Variants in UST observed in about 807,000 individuals in gnomAD.
UST encodes the protein uronyl 2-sulfotransferase, also known as chondroitin sulfate 2-O-sulfotransferase.
UST carries 21 observed loss-of-function variants against 45.6 expected under a neutral mutation model. That is an observed-to-expected ratio of 0.46 (90% confidence interval 0.33 to 0.66). The LOEUF (loss-of-function observed/expected upper bound fraction) is 0.66, where lower values mean the gene tolerates loss of function less well. Ranked by LOEUF, UST falls within the 30% of genes least tolerant of loss-of-function variation. The pLI, the probability that UST is intolerant of heterozygous loss-of-function variation, is 0.02. For synonymous variants in UST, 215 were observed against 200.6 expected, an observed-to-expected ratio of 1.07 and a Z score of -0.61; for missense variants, 463 against 512.4, an observed-to-expected ratio of 0.90 and a Z score of 0.93.
chr6:148,913,110 G>T (rs1779508826), intron 2 of UST, among the ~76,000 whole-genome samples: 1 of 152,156 alleles, frequency 6.6e-6, no homozygotes, highest in African/African-American at 2.4e-5. Flanking sequence ...TGGATTAGTG[G>T]AGCCAGTAAG....
intron 2 of UST, among the ~76,000 whole-genome samples, chr6:148,932,373 T>A (rs7740363): frequency 0.34 from 51,415 of 151,794 alleles, 8,804 homozygotes; most frequent in South Asian, 0.45. Context: ...GAGCAAGACC[T>A]CGTCTCAAAA....
chr6:148,866,333 G>A (rs1245435809), intron 1 of UST, among the ~76,000 whole-genome samples: 1 of 152,116 alleles, frequency 6.6e-6, no homozygotes, highest in Non-Finnish European at 1.5e-5. Context: ...GAAAAAACCA[G>A]TAGTCGGGGG....
intron 5 of UST, among the ~76,000 whole-genome samples, chr6:149,017,592 G>T (rs1374930941): frequency 6.6e-6 from 1 of 151,470 alleles, no homozygotes; most frequent in Non-Finnish European, 1.5e-5. Context: ...TTGTCCTGTA[G>T]TCTATACTTT....
At chr6:149,023,101 GGTGTGTGTGTGT>G (rs61544082) in intron 7 of UST, among the ~76,000 whole-genome samples, 4,111 of 143,422 alleles carry the variant, frequency 0.029, 97 homozygotes, top group African/African-American at 0.052. Flanking sequence ...CTTGTTCTAT[GGTGTGTGTGTGT>G]GTGTGTGTGT....
chr6:148,771,287 C>T (rs1159920755), intron 1 of UST, among the ~76,000 whole-genome samples: 1 of 152,122 alleles, frequency 6.6e-6, no homozygotes, highest in East Asian at 1.9e-4. Context: ...TTTCTTTGTG[C>T]CATTATTGAA....
intron 1 of UST, among the ~76,000 whole-genome samples, chr6:148,791,743 G>C (rs936057283): frequency 1.8e-4 from 28 of 152,098 alleles, no homozygotes; most frequent in African/African-American, 6.8e-4. Context: ...AACAATAAGG[G>C]GGACATGTAA....
At chr6:149,018,279 G>A (rs1045732851) in intron 5 of UST, among the ~76,000 whole-genome samples, 6 of 22,086 alleles carry the variant, frequency 2.7e-4, no homozygotes, top group African/African-American at 2.0e-3. Flanking sequence ...AGCTTCTACC[G>A]ACTCATAATT....
intron 2 of UST, among the ~76,000 whole-genome samples, chr6:148,940,324 CA>C (rs549981409): frequency 0.054 from 7,530 of 140,258 alleles, 267 homozygotes; most frequent in South Asian, 0.14. Context: ...CTGTCTCTAC[CA>C]AAAAAAAAAA....
Position 148,748,701 on chromosome 6 carries a change from A to C in UST, c.247+1024A>C, listed in dbSNP as rs545717475. ...GCCAGAAGAGGTCGTGCGGGGGTGA[A>C]GGCTGGGAGAGCTCCAGCTTCTTGC... is the stretch of plus-strand genomic sequence containing the variant. On this transcript the variant is annotated intron_variant, in intron 1 of 7. Transcript: ENST00000367463. This position sits in a 1 kb window ranked among gnomAD's most constrained non-coding sequence, Gnocchi z 5.3. 3.3e-5 allele frequency among the ~76,000 whole-genome samples: 5 copies of C among 152,184 alleles called. No homozygotes were observed. Among genetic ancestry groups the C allele is most frequent in the Non-Finnish European group, 4.4e-5 (3 of 68,006 alleles).
intron 1 of UST, among the ~76,000 whole-genome samples, chr6:148,800,938 C>A (rs909689040): frequency 2.0e-5 from 3 of 152,094 alleles, no homozygotes; most frequent in Non-Finnish European, 4.4e-5. Context: ...TTGGTAAATT[C>A]TTCTATTTTT....
chr6:148,999,235 CAGT>C lies in UST; in HGVS notation c.682-19899_682-19897del, dbSNP rs1781504328. 3.3e-5 allele frequency among the ~76,000 whole-genome samples: 5 copies of C among 152,240 alleles called. No homozygotes were observed. The East Asian group carries it at 7.7e-4, about 23-fold the overall frequency. Reference sequence around the variant, plus strand: ...TTTTATGATGTTGTTTATTGAAAAACAGTAGTATCATCTGAAATCTTTCATTAG... The same window carrying C: ...TTTTATGATGTTGTTTATTGAAAAACAGTATCATCTGAAATCTTTCATTAG... On this transcript the variant is annotated intron_variant, in intron 5 of 7. Coordinates refer to ENST00000367463, the MANE Select transcript of UST (RefSeq NM_005715.3).
intron 1 of UST, among the ~76,000 whole-genome samples, chr6:148,778,951 G>C (rs1348697706): frequency 6.6e-6 from 1 of 152,104 alleles, no homozygotes; most frequent in Non-Finnish European, 1.5e-5. Flanking sequence ...CCATCCTCAT[G>C]GTGGTCACAG....
At chr6:148,831,717 C>A (rs1446587543) in intron 1 of UST, among the ~76,000 whole-genome samples, 1 of 152,050 alleles carries the variant, frequency 6.6e-6, no homozygotes, top group East Asian at 1.9e-4. Context: ...ATTGTTTGAG[C>A]CAAGGAGTTT....
chr6:149,023,951 TA>T (rs2115021350), intron 7 of UST, among the ~76,000 whole-genome samples: 1 of 152,340 alleles, frequency 6.6e-6, no homozygotes, highest in South Asian at 2.1e-4. Context: ...TTAACTCTTT[TA>T]CCTTCAGCCA....
chr6:149,065,211 G>A (rs1343122911), intron 7 of UST, among the ~76,000 whole-genome samples: 1 of 151,962 alleles, frequency 6.6e-6, no homozygotes, highest in Non-Finnish European at 1.5e-5. Context: ...ATTGTTTTGT[G>A]GCTGAAATAA....
chr6:148,963,077 C>T (rs1302123869), intron 4 of UST, among the ~76,000 whole-genome samples: 1 of 152,188 alleles, frequency 6.6e-6, no homozygotes, highest in South Asian at 2.1e-4. Flanking sequence ...GAGAGGCACA[C>T]ATTTCCACAC....
At chr6:148,767,551 A>G (rs1776345103) in intron 1 of UST, among the ~76,000 whole-genome samples, 1 of 152,064 alleles carries the variant, frequency 6.6e-6, no homozygotes, top group South Asian at 2.1e-4. Context: ...ATCAAAATTC[A>G]TTACCAAAGT....
chr6:148,912,378 G>A (rs941914757), intron 2 of UST, among the ~76,000 whole-genome samples: 1 of 152,210 alleles, frequency 6.6e-6, no homozygotes, highest in Non-Finnish European at 1.5e-5. Flanking sequence ...CATTAACTGT[G>A]ACAGAAGAAA....
At chr6:148,878,370 A>C (rs1778748741) in intron 1 of UST, among the ~76,000 whole-genome samples, 1 of 42,548 alleles carries the variant, frequency 2.4e-5, no homozygotes, top group Admixed American at 3.8e-4. Context: ...GGGATCGTGT[A>C]CGAGTGCGGG....
Sources: gnomAD v4.1 joint callset for allele counts (sites outside exome capture counted in the v4.1 genomes callset) on GRCh38, gnomAD v4.1.1 for gene constraint, Gnocchi (gnomAD v3.1) non-coding constraint, MANE v1.5 for transcripts, NCBI Gene and HGNC (gene_info 2026-07-23, HGNC 2026-07-21) for gene names.